The following MEGF11 variants were observed in gnomAD, a reference collection of about 807,000 sequenced individuals.
MEGF11 encodes the protein multiple epidermal growth factor-like domains protein 11.
Under a neutral mutation model 146.6 loss-of-function variants are expected in MEGF11, and 126 were observed. That is an observed-to-expected ratio of 0.86 (90% CI 0.74 to 1.00). The LOEUF (loss-of-function observed/expected upper bound fraction) is 1.00. MEGF11 is among the 50% of genes least tolerant of loss of function. The pLI is 0.00. For synonymous variants in MEGF11, 532 were observed against 583.4 expected (o/e 0.91, Z 1.27); for missense variants, 1,509 against 1,521.2 (o/e 0.99, Z 0.13).
At chr15:66,252,619 G>C (rs2092392011) in intron 1 of MEGF11, among the ~76,000 whole-genome samples, 1 of 152,200 alleles carries the variant, frequency 6.6e-6, no homozygotes, top group Non-Finnish European at 1.5e-5. Flanking sequence ...GCCGAGGCTC[G>C]GCGCTCCCGG....
Position 65,929,834 on chromosome 15 carries a change from GC to G in MEGF11, c.1457del (p.Gly486AlafsTer2), listed in dbSNP as rs1380500605. On this transcript the variant is annotated frameshift_variant, in exon 12 of 26. Transcript: ENST00000395614. LOFTEE classifies it high-confidence loss of function. ...CTLPCPSGTW[G>X]LNCNESCTCA... ...AGGTGCAGCTCTCGTTGCAGTTCAG[GC>G]CCCACGTCCCACTGGGACATGGCAG... is the stretch of plus-strand genomic sequence containing the variant. The G allele has an allele frequency of 1.9e-6, 3 of 1,592,500 alleles. No homozygotes were observed. The highest frequency in any genetic ancestry group is 1.8e-5 in the Admixed American group (1 of 57,016).
At chr15:66,117,211 C>T (rs2087773100) in intron 4 of MEGF11, among the ~76,000 whole-genome samples, 1 of 152,106 alleles carries the variant, frequency 6.6e-6, no homozygotes, top group Admixed American at 6.5e-5. Flanking sequence ...AAACCCAGAC[C>T]CCTGTGATTC....
At chr15:65,932,015 C>A (rs2079596202) in intron 10 of MEGF11, among the ~76,000 whole-genome samples, 2 of 152,298 alleles carry the variant, frequency 1.3e-5, no homozygotes, top group South Asian at 4.1e-4. Context: ...CCTAAACTGG[C>A]TACCCTGGAA....
chr15:66,079,329 G>A (rs1261250900), intron 5 of MEGF11, among the ~76,000 whole-genome samples: 3 of 152,160 alleles, frequency 2.0e-5, no homozygotes, highest in Admixed American at 2.0e-4. Context: ...AACAACTCTA[G>A]TGGGGATGGC....
At chr15:66,034,127 T>A (rs1256721531) in intron 5 of MEGF11, among the ~76,000 whole-genome samples, 4 of 152,206 alleles carry the variant, frequency 2.6e-5, no homozygotes, top group Non-Finnish European at 4.4e-5. Flanking sequence ...TGCTAATTCC[T>A]CCCTTTTGGA....
chr15:66,011,400 T>C (rs1384755684), intron 5 of MEGF11, among the ~76,000 whole-genome samples: 1 of 152,162 alleles, frequency 6.6e-6, no homozygotes, highest in Non-Finnish European at 1.5e-5. Context: ...TGTCTTCATC[T>C]ATAAAAACGA....
intron 5 of MEGF11, among the ~76,000 whole-genome samples, chr15:66,015,084 G>A (rs2082841054): frequency 6.6e-6 from 1 of 152,176 alleles, no homozygotes; most frequent in Non-Finnish European, 1.5e-5. Flanking sequence ...GCAAAGAGAT[G>A]TGCACACTTG....
chr15:65,942,080 G>A (rs909111638), intron 10 of MEGF11, among the ~76,000 whole-genome samples: 1 of 152,124 alleles, frequency 6.6e-6, no homozygotes, highest in Non-Finnish European at 1.5e-5. Context: ...GAGAGGGTTT[G>A]CAAACCAAGG....
At chr15:65,968,287 C>CTTT (rs1567181437) in intron 8 of MEGF11, among the ~76,000 whole-genome samples, 2 of 152,182 alleles carry the variant, frequency 1.3e-5, no homozygotes, top group African/African-American at 4.8e-5. Flanking sequence ...CCCTGTTCAG[C>CTTT]CTGCAAATGG....
At chr15:66,111,824 G>A (rs1194225603) in intron 4 of MEGF11, among the ~76,000 whole-genome samples, 2 of 152,156 alleles carry the variant, frequency 1.3e-5, no homozygotes, top group Non-Finnish European at 2.9e-5. Context: ...TGCACATCGT[G>A]AATATACTAA....
At chr15:65,963,027 A>C (rs192835884) in intron 9 of MEGF11, among the ~76,000 whole-genome samples, 55 of 152,372 alleles carry the variant, frequency 3.6e-4, no homozygotes, top group African/African-American at 1.3e-3. Flanking sequence ...TGAATTATAC[A>C]GGGCATGGTT....
intron 5 of MEGF11, among the ~76,000 whole-genome samples, chr15:66,079,543 C>CT (rs113749993): frequency 0.016 from 2,253 of 145,308 alleles, 111 homozygotes; most frequent in African/African-American, 0.053. Flanking sequence ...TCACACCCCC[C>CT]CCCCCAGCAC....
At chr15:66,136,868 C>T (rs565882535) in intron 1 of MEGF11, among the ~76,000 whole-genome samples, 2 of 152,112 alleles carry the variant, frequency 1.3e-5, no homozygotes, top group African/African-American at 4.8e-5. Flanking sequence ...TCTCTACAAA[C>T]AATACGGGAA....
At chr15:65,923,294 G>A (rs1222295018) in intron 13 of MEGF11, among the ~76,000 whole-genome samples, 3 of 152,196 alleles carry the variant, frequency 2.0e-5, no homozygotes, top group African/African-American at 7.2e-5. Context: ...AATGGGGTAC[G>A]GCAAGAGATG....
rs191584392 is a variant in MEGF11, at chr15:66,126,100, G to A, written c.99-2100C>T. Among the ~76,000 whole-genome samples, 470 of 152,274 alleles carry A rather than the reference G, an allele frequency of 3.1e-3. 1 individual carries two copies. The highest frequency in any genetic ancestry group is 6.9e-3 in the African/African-American group (288 of 41,550). ...CTTGGACGGCCAGGCTTTACTAGCCGGGAGAGGTCTTTACACTGGGTTTTA... is the reference window on the plus strand; with the variant it reads ...CTTGGACGGCCAGGCTTTACTAGCCAGGAGAGGTCTTTACACTGGGTTTTA... On this transcript the variant is annotated intron_variant, in intron 2 of 25. Transcript: ENST00000395614.
chr15:66,018,705 CTCTG>C (rs1163622843), intron 5 of MEGF11, among the ~76,000 whole-genome samples: 1 of 141,858 alleles, frequency 7.0e-6, no homozygotes, highest in Non-Finnish European at 1.6e-5. Flanking sequence ...GTGCATGAGA[CTCTG>C]TGTGAGTGTG....
chr15:66,001,795 G>C, intron 5 of MEGF11, among the ~76,000 whole-genome samples: 1 of 152,064 alleles, frequency 6.6e-6, no homozygotes, highest in East Asian at 1.9e-4. Context: ...GGTCCCAGTG[G>C]GCCTCCCCGA....
intron 13 of MEGF11, among the ~76,000 whole-genome samples, chr15:65,925,807 C>CCTTCAGGG (rs1428975760): frequency 6.6e-6 from 1 of 152,166 alleles, no homozygotes; most frequent in Non-Finnish European, 1.5e-5. Context: ...CAGCCCATAT[C>CCTTCAGGG]CTTCAGGGTC....
chr15:65,905,951 C>T (rs551971890), intron 24 of MEGF11, 134 bp downstream of exon 24: 1 of 610,930 alleles, frequency 1.6e-6, no homozygotes, highest in East Asian at 3.0e-5. Context: ...AGCCCCAGGC[C>T]CTGTGGTCTT....
Sources: gnomAD v4.1 joint callset for allele counts (sites outside exome capture counted in the v4.1 genomes callset) on GRCh38, gnomAD v4.1.1 for gene constraint, MANE v1.5 for transcripts, NCBI Gene and HGNC (gene_info 2026-07-23, HGNC 2026-07-21) for gene names.